The following FAM91A1 variants were observed in gnomAD, a reference collection of about 807,000 sequenced individuals.
FAM91A1 encodes protein FAM91A1.
In FAM91A1, 41 loss-of-function variants were observed where a neutral mutation model predicts 113.5. The observed-to-expected ratio is 0.36, with a 90% CI of 0.28 to 0.47. FAM91A1 has a LOEUF of 0.47. Ranked by LOEUF, FAM91A1 falls within the 20% of genes least tolerant of loss-of-function variation. The pLI is 1.00. For missense variants in FAM91A1, 696 were observed against 1,001.2 expected, an observed-to-expected ratio of 0.70 and a Z score of 4.11; for synonymous variants, 307 against 347.9, an observed-to-expected ratio of 0.88 and a Z score of 1.31.
chr8:123,815,204 T>C lies in FAM91A1; in HGVS notation c.*2500T>C, dbSNP rs1188515577. On this transcript the variant is annotated 3_prime_UTR_variant, in exon 24 of 24. Coordinates refer to ENST00000334705, the MANE Select transcript of FAM91A1 (RefSeq NM_144963.4). ...ATGTTTTTTTTTCAGGGGAGCGGAA[T>C]ATTGGTTTCTTTTACTTGTTGTTTT... 1.3e-5 allele frequency: 2 copies of C among 152,482 alleles called. No homozygotes were observed. Among genetic ancestry groups the C allele is most frequent in the Non-Finnish European group, 2.9e-5 (2 of 68,004 alleles). 9.4% of individuals were successfully genotyped at this position (152,482 alleles called of 1,614,324 possible). A position where few individuals can be genotyped will look rare whatever the true frequency, so the allele number is the denominator to read the frequency against.
chr8:123,783,531 C>T (rs1035663696), intron 8 of FAM91A1, among the ~76,000 whole-genome samples: 8 of 152,114 alleles, frequency 5.3e-5, no homozygotes, highest in Admixed American at 1.3e-4. Context: ...TTTTCAGTGT[C>T]TCAGTTTTGA....
At chr8:123,779,371 A>G (rs776680915) in intron 6 of FAM91A1, among the ~76,000 whole-genome samples, 2 of 152,210 alleles carry the variant, frequency 1.3e-5, no homozygotes, top group Non-Finnish European at 2.9e-5. Context: ...GAGAGTTGAT[A>G]TTCCCAGTGG....
chr8:123,784,846 A>G (rs1449948242), intron 9 of FAM91A1: 1 of 410,304 alleles, frequency 2.4e-6, no homozygotes, highest in African/African-American at 2.1e-5. Flanking sequence ...TTTATTTTAA[A>G]TGAGACGAAA....
intron 15 of FAM91A1, among the ~76,000 whole-genome samples, chr8:123,794,793 G>A (rs1202569845): frequency 6.6e-6 from 1 of 152,204 alleles, no homozygotes; most frequent in African/African-American, 2.4e-5. Flanking sequence ...AAGAAGCGGA[G>A]AAAAGTAACA....
intron 3 of FAM91A1, among the ~76,000 whole-genome samples, chr8:123,776,491 C>G (rs573182026): frequency 6.6e-6 from 1 of 152,298 alleles, no homozygotes; most frequent in South Asian, 2.1e-4. Context: ...AAGCGAGAGG[C>G]CCGATAGCCC....
In FAM91A1 at chr8:123,784,461, T is replaced by C. The variant is rs1586376620; in HGVS notation, c.704-9T>C. ...TACCACTGAGAAAAATCTCTTCTGT[T>C]TGTTTTAGTTCCACCTCTTGAAGGT... On this transcript the variant is annotated splice_polypyrimidine_tract_variant and intron_variant, in intron 8 of 23. Transcript: ENST00000334705. 3 of 1,585,522 alleles carry C rather than the reference T, an allele frequency of 1.9e-6. No individual in the cohort carries two copies. The East Asian group carries it at 6.9e-5, about 36-fold the overall frequency.
intron 1 of FAM91A1, among the ~76,000 whole-genome samples, chr8:123,772,731 C>T (rs974471700): frequency 1.1e-4 from 17 of 152,124 alleles, no homozygotes; most frequent in African/African-American, 2.7e-4. Flanking sequence ...TTGACTTCCC[C>T]GGAAGTTAAC....
intron 20 of FAM91A1, among the ~76,000 whole-genome samples, chr8:123,808,061 T>C (rs186549094): frequency 6.6e-6 from 1 of 152,302 alleles, no homozygotes; most frequent in Admixed American, 6.5e-5. Context: ...TTAGCATTCA[T>C]AGATACGAAT....
In FAM91A1 at chr8:123,768,658, T is replaced by G. The variant is rs560007370; in HGVS notation, c.-45T>G. 4 of 1,524,886 alleles carry G rather than the reference T, an allele frequency of 2.6e-6. No homozygotes were observed. The highest frequency in any genetic ancestry group is 3.6e-6 in the Non-Finnish European group (4 of 1,125,136). 94.5% of individuals were successfully genotyped at this position (1,524,886 alleles called of 1,614,324 possible). On this transcript the variant is annotated 5_prime_UTR_variant, in exon 1 of 24. Transcript: ENST00000334705. ...GGGCGGGCAGGCGGGAGGCGTAGTG[T>G]GGGTCGCGGTGGCGGCCCCGGCCGC...
In FAM91A1 at chr8:123,806,229, G is replaced by A. The variant is rs750935966; in HGVS notation, c.2032G>A (p.Gly678Arg). Residue 678 changes from glycine to arginine, a missense_variant and splice_region_variant, in exon 20 of 24, where the codon GGA becomes AGA. By Grantham distance (125) the Gly-to-Arg change is moderately radical (BLOSUM62 -2). Transcript: ENST00000334705. ...RKLSDASDER[G>R]EPDLASGSDV... ...ACTCAGTGATGCTTCTGATGAGAGA[G>A]GTTAGCCAATAGTTGGATTCTTTGG... The A allele has an allele frequency of 1.9e-6, 3 of 1,608,678 alleles. No individual in the cohort carries two copies. Among genetic ancestry groups the A allele is most frequent in the Admixed American group, 1.7e-5 (1 of 59,364 alleles).
In FAM91A1 at chr8:123,775,450, C is replaced by G. The variant is rs76957815; in HGVS notation, c.309+152C>G. On this transcript the variant is annotated intron_variant, in intron 3 of 23. Coordinates refer to ENST00000334705, the MANE Select transcript of FAM91A1 (RefSeq NM_144963.4). ...AAAAGGACTATTGGTGGCTTGTTAA[C>G]TGTTTGAGCCACACTGTACAAGTAC... 135 of 876,628 alleles carry G rather than the reference C, an allele frequency of 1.5e-4. No homozygotes were observed. The African/African-American group carries it at 2.1e-3, about 13-fold the overall frequency. 54.3% of individuals were successfully genotyped at this position (876,628 alleles called of 1,614,324 possible). A position where few individuals can be genotyped will look rare whatever the true frequency, so the allele number is the denominator to read the frequency against.
chr8:123,806,500 T>G (rs1815816552), intron 20 of FAM91A1, among the ~76,000 whole-genome samples: 1 of 152,218 alleles, frequency 6.6e-6, no homozygotes, highest in South Asian at 2.1e-4. Flanking sequence ...TTAGGTTAGC[T>G]TTATAGGGTG....
chr8:123,773,110 A>G (rs1426539177), intron 1 of FAM91A1, among the ~76,000 whole-genome samples: 2 of 152,222 alleles, frequency 1.3e-5, no homozygotes, highest in African/African-American at 2.4e-5. Context: ...AATGGGACAC[A>G]TCATGTTCTA....
chr8:123,814,112 G>T lies in FAM91A1; in HGVS notation c.*1408G>T, dbSNP rs536798054. 8.8e-5 allele frequency: 33 copies of T among 374,620 alleles called. No individual in the cohort carries two copies. The highest frequency in any genetic ancestry group is 6.7e-4 in the African/African-American group (30 of 44,474). 23.2% of individuals were successfully genotyped at this position (374,620 alleles called of 1,614,324 possible). A position where few individuals can be genotyped will look rare whatever the true frequency, so the allele number is the denominator to read the frequency against. On this transcript the variant is annotated 3_prime_UTR_variant, in exon 24 of 24. Coordinates refer to ENST00000334705, the MANE Select transcript of FAM91A1 (RefSeq NM_144963.4). ...CCATGTTATCTGTGGCACAGTCAGT[G>T]CTGTGTTTGAGGTAAATGCAGTAAC...
At chr8:123,773,269 G>A (rs186154604) in intron 1 of FAM91A1, among the ~76,000 whole-genome samples, 26 of 152,304 alleles carry the variant, frequency 1.7e-4, no homozygotes, top group Non-Finnish European at 2.9e-4. Flanking sequence ...TAAGAAATAC[G>A]ATGAACTAAA....
chr8:123,804,579 A>G (rs899717604), intron 18 of FAM91A1, among the ~76,000 whole-genome samples: 17 of 149,370 alleles, frequency 1.1e-4, no homozygotes, highest in African/African-American at 4.2e-4. Context: ...TCCACTCCCC[A>G]TCTCTCCTCC....
intron 8 of FAM91A1, among the ~76,000 whole-genome samples, chr8:123,784,190 C>A (rs926573555): frequency 6.6e-6 from 1 of 152,204 alleles, no homozygotes; most frequent in African/African-American, 2.4e-5. Flanking sequence ...CACCCTTCTA[C>A]CAAGTCCATG....
rs534190141 is a variant in FAM91A1 at position 123,813,999 on chromosome 8, C to T, written c.*1295C>T. On this transcript the variant is annotated 3_prime_UTR_variant, in exon 24 of 24. Coordinates refer to ENST00000334705, the MANE Select transcript of FAM91A1 (RefSeq NM_144963.4). ...TATTTATAGATATTTGTGTATTTAA[C>T]ATACATACTTCAGGAAATATATGCC... is the stretch of plus-strand genomic sequence containing the variant. The T allele has an allele frequency of 1.0e-4, 25 of 243,674 alleles. No individual in the cohort carries two copies. The highest frequency in any genetic ancestry group is 5.5e-4 in the African/African-American group (23 of 42,092). 15.1% of individuals were successfully genotyped at this position (243,674 alleles called of 1,614,324 possible).
intron 2 of FAM91A1, among the ~76,000 whole-genome samples, chr8:123,774,660 A>G (rs1303220688): frequency 2.0e-5 from 3 of 151,340 alleles, no homozygotes; most frequent in Non-Finnish European, 1.5e-5. Context: ...GTAGTCTTTC[A>G]CTCCTGTTTG....
Sources: gnomAD v4.1 joint callset for allele counts (sites outside exome capture counted in the v4.1 genomes callset) on GRCh38, gnomAD v4.1.1 for gene constraint, MANE v1.5 for transcripts, NCBI Gene and HGNC (gene_info 2026-07-23, HGNC 2026-07-21) for gene names.